NDST4: variants seen among roughly 807,000 people sequenced by gnomAD.
NDST4 encodes N-deacetylase and N-sulfotransferase 4, also known as N-heparan sulfate sulfotransferase 4.
A neutral mutation model predicts 100.8 loss-of-function variants in NDST4; 63 were observed. That is an observed-to-expected ratio of 0.62 (90% CI 0.51 to 0.77). The LOEUF (loss-of-function observed/expected upper bound fraction) is 0.77, where lower values mean the gene tolerates loss of function less well. NDST4 is among the 30% of genes least tolerant of loss of function. The pLI, the probability that NDST4 is intolerant of heterozygous loss-of-function variation, is 0.00. For missense variants in NDST4, 943 were observed against 1,018.4 expected, an observed-to-expected ratio of 0.93 and a Z score of 1.01; for synonymous variants, 377 against 361.8, an observed-to-expected ratio of 1.04 and a Z score of -0.48.
At chr4:115,065,968 T>C (rs910056918) in intron 2 of NDST4, among the ~76,000 whole-genome samples, 14 of 152,278 alleles carry the variant, frequency 9.2e-5, no homozygotes, top group African/African-American at 3.1e-4. Context: ...TTGCTACAGT[T>C]CTGTCCAGTG....
rs958899799 is a variant in NDST4, at chr4:115,079,663, C to T, written c.-246-2381G>A. Among the ~76,000 whole-genome samples, 3 of 152,082 alleles carry T rather than the reference C, an allele frequency of 2.0e-5. No individual in the cohort carries two copies. In the South Asian group the frequency reaches 6.2e-4, roughly 31 times the overall value. On this transcript the variant is annotated intron_variant, in intron 1 of 13. Coordinates refer to ENST00000264363, the MANE Select transcript of NDST4 (RefSeq NM_022569.3). ...ATTACATCAGAGAGAATTAAACTAG[C>T]ATGCTTTTTAATGAGTGGTATGTTC...
At position 114,890,919 on chromosome 4, in the gene NDST4, T is replaced by A. The variant is rs761644463; in HGVS notation, c.1537-19969A>T. On this transcript the variant is annotated intron_variant, in intron 6 of 13. Transcript: ENST00000264363. ...GCTGTTATGCAAACTTTCTGCTACC[T>A]CCCCCTGACTGATTTCTTCAAATTG... Among the ~76,000 whole-genome samples the A allele has an allele frequency of 2.0e-5, 3 of 152,178 alleles. No homozygotes were observed. The South Asian group carries it at 6.2e-4, about 32-fold the overall frequency.
chr4:114,890,924 C>G (rs988937388), intron 6 of NDST4, among the ~76,000 whole-genome samples: 1 of 152,086 alleles, frequency 6.6e-6, no homozygotes, highest in African/African-American at 2.4e-5. Flanking sequence ...CTACCTCCCC[C>G]TGACTGATTT....
intron 2 of NDST4, among the ~76,000 whole-genome samples, chr4:115,016,196 C>A (rs1727673307): frequency 6.6e-6 from 1 of 152,074 alleles, no homozygotes; most frequent in Non-Finnish European, 1.5e-5. Flanking sequence ...TAACCCAAAG[C>A]AGCTGCTTTG....
At chr4:114,921,861 CT>C (rs1284540564) in intron 6 of NDST4, among the ~76,000 whole-genome samples, 2 of 152,118 alleles carry the variant, frequency 1.3e-5, no homozygotes, top group Admixed American at 1.3e-4. Context: ...CCCTGCTCCC[CT>C]TGACTCACTC....
At chr4:114,906,132 C>T (rs1030896497) in intron 6 of NDST4, among the ~76,000 whole-genome samples, 1 of 151,650 alleles carries the variant, frequency 6.6e-6, no homozygotes, top group African/African-American at 2.4e-5. Flanking sequence ...AAATACGAAG[C>T]TGAAAAGTAT....
chr4:115,011,048 G>A (rs934501973), intron 2 of NDST4, among the ~76,000 whole-genome samples: 3 of 151,914 alleles, frequency 2.0e-5, no homozygotes, highest in African/African-American at 7.2e-5. Flanking sequence ...TAATATAATT[G>A]TAATGCCTTC....
chr4:114,925,549 A>G (rs1352530807), intron 6 of NDST4, among the ~76,000 whole-genome samples: 3 of 152,164 alleles, frequency 2.0e-5, no homozygotes, highest in African/African-American at 7.2e-5. Flanking sequence ...AGGAAAGCTC[A>G]TTAACCAGAC....
At chr4:114,929,678 G>A (rs2126222913) in intron 6 of NDST4, among the ~76,000 whole-genome samples, 1 of 152,198 alleles carries the variant, frequency 6.6e-6, no homozygotes, top group East Asian at 1.9e-4. Flanking sequence ...AGATTTATAA[G>A]ACTTACTATA....
chr4:115,066,626 G>T (rs1728953112), intron 2 of NDST4, among the ~76,000 whole-genome samples: 1 of 152,002 alleles, frequency 6.6e-6, no homozygotes, highest in South Asian at 2.1e-4. Context: ...TTGTTTACAT[G>T]GAATATAAAC....
At chr4:114,916,337 C>T (rs1047822418) in intron 6 of NDST4, among the ~76,000 whole-genome samples, 6 of 152,136 alleles carry the variant, frequency 3.9e-5, no homozygotes, top group African/African-American at 1.2e-4. Context: ...GCACCACATT[C>T]TCTTCTAGCC....
At position 114,852,820 on chromosome 4, in the gene NDST4, T is replaced by C. The variant is rs911224162; in HGVS notation, c.1721A>G (p.Asn574Ser). ...TTTGTGTCGTTTATCATCACATGGA[T>C]TCTGCAAGAAGGAAGAATAAGTAAC... ...FPEQKDPLWQ[N>S]PCDDKRHKDI... The change falls in exon 8 of 14, where the codon AAT (asparagine) becomes AGT (serine). Residue 574 changes from asparagine to serine, a missense_variant and splice_region_variant. This residue lies in a region of NDST4 where 526 missense variants were observed against 634.1 expected (regional missense o/e 0.83). Coordinates refer to ENST00000264363, the MANE Select transcript of NDST4 (RefSeq NM_022569.3). 6.2e-7 allele frequency: 1 copy of C among 1,607,244 alleles called. No individual in the cohort carries two copies. The highest frequency in any genetic ancestry group is 1.3e-5 in the African/African-American group (1 of 74,706).
rs1465793786 is a variant in NDST4 at position 115,009,133 on chromosome 4, C to T, written c.979-31859G>A. Among the ~76,000 whole-genome samples the T allele has an allele frequency of 3.2e-5, 4 of 125,884 alleles. 1 individual carries two copies. Among genetic ancestry groups the T allele is most frequent in the African/African-American group, 1.2e-4 (4 of 33,020 alleles). 82.6% of individuals were successfully genotyped at this position (125,884 alleles called of 152,430 possible). On this transcript the variant is annotated intron_variant, in intron 2 of 13. Coordinates refer to ENST00000264363, the MANE Select transcript of NDST4 (RefSeq NM_022569.3). ...CCCAAGGTAATTTATAGATTCAATG[C>T]CATCCCCATCAAGCTACCAATGACT... is the stretch of plus-strand genomic sequence containing the variant.
chr4:115,103,853 G>C (rs1037218671), intron 1 of NDST4, among the ~76,000 whole-genome samples: 2 of 152,052 alleles, frequency 1.3e-5, no homozygotes, highest in Non-Finnish European at 2.9e-5. Flanking sequence ...CATCAGAAAA[G>C]CATGATAAAA....
chr4:115,051,071 G>T (rs1262034997), intron 2 of NDST4, among the ~76,000 whole-genome samples: 1 of 151,984 alleles, frequency 6.6e-6, no homozygotes, highest in African/African-American at 2.4e-5. Flanking sequence ...TAAATTGTAA[G>T]ATTTTAGTGA....
At chr4:114,922,110 T>C (rs1725301187) in intron 6 of NDST4, among the ~76,000 whole-genome samples, 1 of 152,150 alleles carries the variant, frequency 6.6e-6, no homozygotes, top group African/African-American at 2.4e-5. Context: ...GGTTGTTAAC[T>C]GTCTCTCTAA....
chr4:115,100,797 C>T (rs1035090445), intron 1 of NDST4, among the ~76,000 whole-genome samples: 11 of 97,074 alleles, frequency 1.1e-4, no homozygotes, highest in Non-Finnish European at 1.6e-4. Context: ...CTGACAAATG[C>T]TTCACTCCTT....
chr4:114,836,119 T>G (rs912280489), intron 11 of NDST4, among the ~76,000 whole-genome samples: 1 of 152,342 alleles, frequency 6.6e-6, no homozygotes. Flanking sequence ...ACATTTAAGG[T>G]TAATATTGTT....
rs181474554 is a variant in NDST4 at position 114,849,885 on chromosome 4, T to A, written c.1817-1547A>T. The stretch of plus-strand genomic sequence containing the variant: ...CTGAAAAATACAGATGTAATAGTTA[T>A]GAGGGACGAGGGGCATCCTCAAGAG... On this transcript the variant is annotated intron_variant, in intron 8 of 13. Transcript: ENST00000264363. Among the ~76,000 whole-genome samples the A allele has an allele frequency of 7.2e-3, 1,101 of 152,260 alleles. 86 individuals carry two copies. The South Asian group carries it at 0.17, about 24-fold the overall frequency.
Sources: gnomAD v4.1 joint callset for allele counts (sites outside exome capture counted in the v4.1 genomes callset) on GRCh38, gnomAD v4.1.1 for gene constraint, gnomAD v4.1.1 regional missense constraint, MANE v1.5 for transcripts, NCBI Gene and HGNC (gene_info 2026-07-23, HGNC 2026-07-21) for gene names.